Variants in ENTPD1 observed in about 807,000 individuals in gnomAD.
ENTPD1 encodes ectonucleoside triphosphate diphosphohydrolase 1, also known as ATP diphosphohydrolase.
ENTPD1 carries 33 observed loss-of-function variants against 57.0 expected under a neutral mutation model. The observed-to-expected ratio is 0.58, with a 90% CI of 0.44 to 0.77. The LOEUF (loss-of-function observed/expected upper bound fraction) is 0.77. ENTPD1 is among the 30% of genes least tolerant of loss of function. ENTPD1 has a pLI of 0.00. For synonymous variants in ENTPD1, 202 were observed against 218.8 expected, an observed-to-expected ratio of 0.92 and a Z score of 0.68; for missense variants, 501 against 603.4, an observed-to-expected ratio of 0.83 and a Z score of 1.78.
chr10:95,845,748 T>C (rs905987950), intron 6 of ENTPD1, 152 bp downstream of exon 6: 3 of 1,299,194 alleles, frequency 2.3e-6, no homozygotes, highest in Non-Finnish European at 3.3e-6. Flanking sequence ...CTACATCTGG[T>C]TGACCCCTAT....
At chr10:95,834,402 T>C (rs1196739566) in intron 2 of ENTPD1, among the ~76,000 whole-genome samples, 2 of 152,092 alleles carry the variant, frequency 1.3e-5, no homozygotes, top group Non-Finnish European at 2.9e-5. Context: ...GGGTAGGATC[T>C]AAACTCAGGA....
At position 95,868,700 on chromosome 10, in the gene ENTPD1, C is replaced by T. The variant is rs1336056854; in HGVS notation, c.*2317C>T. On this transcript the variant is annotated 3_prime_UTR_variant, in exon 10 of 10. Transcript: ENST00000371205. ...CTACATGGCAGAGCAGATACTCCAA[C>T]TCATGTCTTCTGGTTGAAGCCTATT... The T allele has an allele frequency of 2.0e-6, 2 of 981,946 alleles. No homozygotes were observed. Among genetic ancestry groups the T allele is most frequent in the African/African-American group, 1.8e-5 (1 of 57,136 alleles). The allele number at this position is 981,946 out of a possible 1,614,324, so 60.8% of individuals were successfully genotyped here.
chr10:95,853,666 C>T (rs2098449379), intron 7 of ENTPD1, among the ~76,000 whole-genome samples: 2 of 152,044 alleles, frequency 1.3e-5, no homozygotes, highest in Non-Finnish European at 1.5e-5. Flanking sequence ...TGTCAAAGGC[C>T]TTTTCTGCAT....
chr10:95,789,902 T>G (rs1589837551), intron 1 of ENTPD1, among the ~76,000 whole-genome samples: 1 of 152,210 alleles, frequency 6.6e-6, no homozygotes, highest in East Asian at 1.9e-4. Flanking sequence ...TGCATGTATC[T>G]GCCTAGAATG....
intron 2 of ENTPD1, among the ~76,000 whole-genome samples, chr10:95,824,086 A>T (rs1339209376): frequency 6.6e-6 from 1 of 152,252 alleles, no homozygotes; most frequent in Non-Finnish European, 1.5e-5. Flanking sequence ...AGTACTTTGT[A>T]ATATGGTCAT....
intron 1 of ENTPD1, among the ~76,000 whole-genome samples, chr10:95,714,397 T>C (rs2097969206): frequency 6.6e-6 from 1 of 152,250 alleles, no homozygotes; most frequent in Non-Finnish European, 1.5e-5. Flanking sequence ...CAGTTATTTT[T>C]CTTATTTAAT....
At position 95,791,811 on chromosome 10, in the gene ENTPD1, C is replaced by G. The variant is rs150616293; in HGVS notation, c.17-31426C>G. Among the ~76,000 whole-genome samples, 79 of 152,256 alleles carry G rather than the reference C, an allele frequency of 5.2e-4. No individual in the cohort carries two copies. Among genetic ancestry groups the G allele is most frequent in the African/African-American group, 1.8e-3 (73 of 41,558 alleles). ...GATGTAATTGTCCCAGGTGAGACTA[C>G]AGAAAGTCCCCAGGGAACTCTGGAG... On this transcript the variant is annotated intron_variant, in intron 1 of 9. Transcript: ENST00000371205. This position sits in a 1 kb window ranked among gnomAD's most constrained non-coding sequence, Gnocchi z 4.1.
At chr10:95,781,071 A>G (rs1440881065) in intron 1 of ENTPD1, among the ~76,000 whole-genome samples, 2 of 152,252 alleles carry the variant, frequency 1.3e-5, no homozygotes, top group Non-Finnish European at 2.9e-5. Flanking sequence ...ACTGCTATTC[A>G]GCCATAAACA....
intron 1 of ENTPD1, among the ~76,000 whole-genome samples, chr10:95,731,575 A>G (rs943934369): frequency 3.3e-5 from 5 of 152,146 alleles, no homozygotes; most frequent in Non-Finnish European, 7.3e-5. Flanking sequence ...TGCTTTCTCC[A>G]GGGAACACCC....
rs1438050514 is a variant in ENTPD1 at position 95,870,507 on chromosome 10, G to A, written c.*4124G>A. 7 of 940,494 alleles carry A rather than the reference G, an allele frequency of 7.4e-6. No individual in the cohort carries two copies. Among genetic ancestry groups the A allele is most frequent in the Non-Finnish European group, 8.9e-6 (7 of 789,192 alleles). The allele number at this position is 940,494 out of a possible 1,614,324, so 58.3% of individuals were successfully genotyped here. ...TTGTCCAGGCTGGTCTCGAACTCCTGCCCTCAAGCAATCCTCCTGCCTTGG... is the reference window on the plus strand; with the variant it reads ...TTGTCCAGGCTGGTCTCGAACTCCTACCCTCAAGCAATCCTCCTGCCTTGG... On this transcript the variant is annotated 3_prime_UTR_variant, in exon 10 of 10. Transcript: ENST00000371205.
chr10:95,856,690 A>G (rs1205270731), intron 7 of ENTPD1, among the ~76,000 whole-genome samples: 1 of 150,196 alleles, frequency 6.7e-6, no homozygotes, highest in Non-Finnish European at 1.5e-5. Context: ...ATAAATGTAT[A>G]TACACACACT....
chr10:95,709,999 C>G (rs2097964243), upstream of ENTPD1, among the ~76,000 whole-genome samples: 1 of 152,000 alleles, frequency 6.6e-6, no homozygotes, highest in African/African-American at 2.4e-5. Flanking sequence ...GTCTCGAACT[C>G]CTGACCTTAG....
intron 1 of ENTPD1, among the ~76,000 whole-genome samples, chr10:95,803,080 C>A (rs999264960): frequency 2.0e-5 from 3 of 152,102 alleles, no homozygotes; most frequent in Non-Finnish European, 4.4e-5. Flanking sequence ...ATAGTTTGTT[C>A]TAGTTCTGTG....
At chr10:95,731,134 A>C (rs1442272815) in intron 1 of ENTPD1, among the ~76,000 whole-genome samples, 1 of 152,238 alleles carries the variant, frequency 6.6e-6, no homozygotes, top group Admixed American at 6.5e-5. Flanking sequence ...ATAGCCAAAC[A>C]GTGCTGTCTG....
At chr10:95,790,156 C>T (rs917739793) in intron 1 of ENTPD1, among the ~76,000 whole-genome samples, 11 of 152,094 alleles carry the variant, frequency 7.2e-5, no homozygotes, top group Non-Finnish European at 1.5e-4. Flanking sequence ...GGTGGTTGCC[C>T]ACCACTTCAG....
At chr10:95,752,405 A>C (rs996127838), upstream of ENTPD1, among the ~76,000 whole-genome samples, 2 of 152,312 alleles carry the variant, frequency 1.3e-5, no homozygotes, top group Middle Eastern at 3.4e-3. Flanking sequence ...CTGTAATCCC[A>C]GCACTTTGGG....
At chr10:95,854,589 T>C (rs1453682135) in intron 7 of ENTPD1, among the ~76,000 whole-genome samples, 2 of 152,248 alleles carry the variant, frequency 1.3e-5, no homozygotes, top group Non-Finnish European at 2.9e-5. Flanking sequence ...AATTTCCCTC[T>C]ACATACTGCT....
intron 2 of ENTPD1, among the ~76,000 whole-genome samples, chr10:95,836,482 C>A (rs1022444015): frequency 6.6e-6 from 1 of 152,056 alleles, no homozygotes; most frequent in Non-Finnish European, 1.5e-5. Context: ...ATTTAAGAAA[C>A]TTTTAGTACT....
intron 1 of ENTPD1, among the ~76,000 whole-genome samples, chr10:95,746,361 T>A (rs180773717): frequency 2.5e-4 from 38 of 152,206 alleles, no homozygotes; most frequent in African/African-American, 8.7e-4. Flanking sequence ...ATGGATACAT[T>A]GGGGTTCAGA....
Sources: gnomAD v4.1 joint callset for allele counts (sites outside exome capture counted in the v4.1 genomes callset) on GRCh38, gnomAD v4.1.1 for gene constraint, Gnocchi (gnomAD v3.1) non-coding constraint, MANE v1.5 for transcripts, NCBI Gene and HGNC (gene_info 2026-07-23, HGNC 2026-07-21) for gene names.